The following PLCL1 variants were observed in gnomAD, a reference collection of about 807,000 sequenced individuals.
The protein encoded by PLCL1 is inactive phospholipase C-like protein 1.
PLCL1 carries 41 observed loss-of-function variants against 84.4 expected under a neutral mutation model. That is an observed-to-expected ratio of 0.49 (90% CI 0.38 to 0.63). PLCL1 has a LOEUF of 0.63. Among genes scored for constraint, PLCL1 ranks in the 30% least tolerant of loss-of-function variants. The probability of loss-of-function intolerance (pLI) is 0.00; values close to 1 mark genes in which losing one functional copy is unlikely to be tolerated. For missense variants in PLCL1, 1,206 were observed against 1,367.8 expected (o/e 0.88, Z 1.87); for synonymous variants, 490 against 488.3 (o/e 1.00, Z -0.05).
chr2:197,935,961 C>G (rs139370678), intron 1 of PLCL1, among the ~76,000 whole-genome samples: 1 of 152,226 alleles, frequency 6.6e-6, no homozygotes, highest in Non-Finnish European at 1.5e-5. Flanking sequence ...TAAAGTTCAG[C>G]TTTTTTAGAT....
chr2:197,835,961 A>G (rs889399508), intron 1 of PLCL1, among the ~76,000 whole-genome samples: 13 of 152,310 alleles, frequency 8.5e-5, no homozygotes, highest in African/African-American at 3.1e-4. Flanking sequence ...AGGTTGGTCC[A>G]TGGTATGTTA....
At chr2:197,947,235 TAA>T (rs1689294190) in intron 1 of PLCL1, among the ~76,000 whole-genome samples, 1 of 82,846 alleles carries the variant, frequency 1.2e-5, no homozygotes, top group South Asian at 3.7e-4. Context: ...GGTGCTTAGA[TAA>T]ATATATATAT....
intron 1 of PLCL1, among the ~76,000 whole-genome samples, chr2:197,857,172 CTT>C (rs112813397): frequency 6.8e-6 from 1 of 146,080 alleles, no homozygotes; most frequent in African/African-American, 2.5e-5. Context: ...AGAGAATGAA[CTT>C]TTTTTTTTTT....
intron 2 of PLCL1, among the ~76,000 whole-genome samples, chr2:198,088,518 A>G (rs1426843477): frequency 6.6e-6 from 1 of 152,180 alleles, no homozygotes; most frequent in African/African-American, 2.4e-5. Context: ...TTGAGGAAAA[A>G]AGCCCAAGTG....
At chr2:198,077,769 G>A (rs1415696667) in intron 1 of PLCL1, among the ~76,000 whole-genome samples, 2 of 152,074 alleles carry the variant, frequency 1.3e-5, no homozygotes, top group African/African-American at 2.4e-5. Flanking sequence ...AATCCACCAT[G>A]GCCCAAAGTA....
intron 1 of PLCL1, among the ~76,000 whole-genome samples, chr2:197,852,595 G>A (rs981580699): frequency 6.6e-6 from 1 of 152,064 alleles, no homozygotes; most frequent in Non-Finnish European, 1.5e-5. Flanking sequence ...TTTTTATACC[G>A]ATGGATTTTT....
chr2:197,836,993 C>A (rs56158223), intron 1 of PLCL1, among the ~76,000 whole-genome samples: 2,924 of 152,164 alleles, frequency 0.019, 81 homozygotes, highest in African/African-American at 0.068. Context: ...AGCCACTGTG[C>A]CTGGCTTTAT....
intron 1 of PLCL1, among the ~76,000 whole-genome samples, chr2:197,831,501 A>T (rs1202614039): frequency 6.6e-6 from 1 of 152,182 alleles, no homozygotes; most frequent in Non-Finnish European, 1.5e-5. Flanking sequence ...CCAATACAGG[A>T]GCACCCAGAT....
chr2:197,915,198 A>T (rs2105749544), intron 1 of PLCL1, among the ~76,000 whole-genome samples: 1 of 152,304 alleles, frequency 6.6e-6, no homozygotes, highest in South Asian at 2.1e-4. Flanking sequence ...ATCATCTGCT[A>T]ACTTAAAAAC....
At chr2:197,944,946 A>G (rs1037408761) in intron 1 of PLCL1, among the ~76,000 whole-genome samples, 1 of 152,134 alleles carries the variant, frequency 6.6e-6, no homozygotes, top group Admixed American at 6.5e-5. Flanking sequence ...GTGGTTATGG[A>G]ATTTTGAAAG....
At chr2:197,813,415 A>G (rs1238664089) in intron 1 of PLCL1, among the ~76,000 whole-genome samples, 1 of 152,196 alleles carries the variant, frequency 6.6e-6, no homozygotes, top group Non-Finnish European at 1.5e-5. Context: ...AGGCGTATAT[A>G]AAAGATGCAA....
chr2:198,051,805 G>A (rs1281741771), intron 1 of PLCL1, among the ~76,000 whole-genome samples: 2 of 151,570 alleles, frequency 1.3e-5, no homozygotes, highest in Non-Finnish European at 2.9e-5. Context: ...CGCGATCTCG[G>A]CTCACTGCAA....
Position 197,950,784 on chromosome 2 carries a change from T to A in PLCL1, c.241-132974T>A, listed in dbSNP as rs76532025. On this transcript the variant is annotated intron_variant, in intron 1 of 5. Transcript: ENST00000428675. The stretch of plus-strand genomic sequence containing the variant: ...GCAGAATTGTAAGATAGGAATGTGG[T>A]TTATATGTGGATATTAACCTTTTGA... 5.6e-3 allele frequency among the ~76,000 whole-genome samples: 851 copies of A among 152,256 alleles called. 4 individuals are homozygous for A. Among genetic ancestry groups the A allele is most frequent in the Non-Finnish European group, 9.4e-3 (641 of 68,014 alleles).
chr2:198,146,174 T>A (rs1574345564), intron 5 of PLCL1, among the ~76,000 whole-genome samples: 2 of 152,308 alleles, frequency 1.3e-5, no homozygotes, highest in South Asian at 4.1e-4. Context: ...TTTTTCTCCA[T>A]CTGCCAGGTG....
intron 1 of PLCL1, among the ~76,000 whole-genome samples, chr2:197,839,050 C>A (rs758955039): frequency 4.7e-4 from 72 of 152,134 alleles, no homozygotes; most frequent in Non-Finnish European, 9.6e-4. Context: ...ATCTTTCATG[C>A]CGTTGTCAAC....
At chr2:198,015,706 A>G (rs1327637545) in intron 1 of PLCL1, among the ~76,000 whole-genome samples, 1 of 152,144 alleles carries the variant, frequency 6.6e-6, no homozygotes, top group African/African-American at 2.4e-5. Context: ...ATATACTTAC[A>G]TATGTGATAT....
chr2:198,018,894 G>T (rs529621773), intron 1 of PLCL1, among the ~76,000 whole-genome samples: 1 of 152,178 alleles, frequency 6.6e-6, no homozygotes, highest in Non-Finnish European at 1.5e-5. Context: ...AGGGACAGAC[G>T]GCCTCCTCAA....
intron 1 of PLCL1, among the ~76,000 whole-genome samples, chr2:197,835,172 G>C (rs1384377851): frequency 1.3e-5 from 2 of 152,156 alleles, no homozygotes; most frequent in African/African-American, 4.8e-5. Flanking sequence ...GAGAGGGATA[G>C]CATTAGGAGA....
chr2:198,090,400 A>G lies in PLCL1; in HGVS notation c.2919+1339A>G, dbSNP rs551404600. On this transcript the variant is annotated intron_variant, in intron 3 of 5. Transcript: ENST00000428675. ...ATTTATGCTTTTCTGTATTTTTTCTATATTCACCAAACTCTTTATAATGAA... is the reference window on the plus strand; with the variant it reads ...ATTTATGCTTTTCTGTATTTTTTCTGTATTCACCAAACTCTTTATAATGAA... 1.2e-4 allele frequency among the ~76,000 whole-genome samples: 18 copies of G among 151,834 alleles called. No homozygotes were observed. The South Asian group carries it at 1.9e-3, about 16-fold the overall frequency.
Sources: allele counts gnomAD v4.1 joint callset (sites outside exome capture counted in the v4.1 genomes callset), GRCh38; gene constraint gnomAD v4.1.1; transcripts MANE v1.5; gene names NCBI Gene and HGNC (gene_info 2026-07-23, HGNC 2026-07-21).